Variants in CHLSN observed in about 807,000 individuals in gnomAD.
CHLSN encodes the protein cholesin.
chr7:1,020,535 G>A, the CHLSN span, among the ~76,000 whole-genome samples: 2 of 152,218 alleles, frequency 1.3e-5, no homozygotes, highest in African/African-American at 2.4e-5. Context: ...ACACACAAGG[G>A]GGCTGTAGCG....
chr7:1,133,227 G>A, the CHLSN span, among the ~76,000 whole-genome samples: 1 of 152,040 alleles, frequency 6.6e-6, no homozygotes, highest in South Asian at 2.1e-4. Flanking sequence ...AAAAGCTCAG[G>A]ATACGCAAAT....
At chr7:1,073,841 C>A in the CHLSN span, among the ~76,000 whole-genome samples, 1 of 73,694 alleles carries the variant, frequency 1.4e-5, no homozygotes, top group Admixed American at 1.3e-4. Context: ...CCGTGATGTT[C>A]CCCCAACCCT....
the CHLSN span, among the ~76,000 whole-genome samples, chr7:1,036,129 G>C: frequency 6.6e-6 from 1 of 152,218 alleles, no homozygotes; most frequent in Admixed American, 6.5e-5. Flanking sequence ...TGAATGGGTG[G>C]TGCACAGGGC....
chr7:1,057,059 G>A, the CHLSN span, among the ~76,000 whole-genome samples: 2 of 152,158 alleles, frequency 1.3e-5, no homozygotes, highest in Non-Finnish European at 2.9e-5. Flanking sequence ...CGGGAGGGAG[G>A]GAGGGAGGCT....
At chr7:1,064,464 G>C in the CHLSN span, among the ~76,000 whole-genome samples, 2 of 152,138 alleles carry the variant, frequency 1.3e-5, no homozygotes, top group Non-Finnish European at 2.9e-5. Context: ...ACAGCGGTGG[G>C]GAGCAGGGGC....
At chr7:1,046,152 G>A in the CHLSN span, among the ~76,000 whole-genome samples, 2,806 of 152,298 alleles carry the variant, frequency 0.018, 104 homozygotes, top group African/African-American at 0.064. Flanking sequence ...ATTTACAGTC[G>A]GAAGAGGGAC....
chr7:1,009,462 G>A, the CHLSN span, among the ~76,000 whole-genome samples: 3 of 151,922 alleles, frequency 2.0e-5, no homozygotes, highest in East Asian at 5.8e-4. Flanking sequence ...CAGCCACGCC[G>A]CAGGCACCAT....
the CHLSN span, among the ~76,000 whole-genome samples, chr7:1,070,953 A>AC: frequency 6.7e-6 from 1 of 148,204 alleles, no homozygotes; most frequent in Non-Finnish European, 1.5e-5. Context: ...ACACACACAC[A>AC]GCACAGACAC....
chr7:1,080,634 A>C, the CHLSN span, among the ~76,000 whole-genome samples: 1 of 152,246 alleles, frequency 6.6e-6, no homozygotes, highest in Non-Finnish European at 1.5e-5. Context: ...CTGTGGTGAA[A>C]GCCAAAAGGA....
At chr7:985,317 C>T in the CHLSN span, 5 of 1,550,146 alleles carry the variant, frequency 3.2e-6, no homozygotes, top group Non-Finnish European at 4.4e-6. Context: ...GGTCCCCTGG[C>T]CTGCAGGTGA....
At chr7:1,072,188 C>G in the CHLSN span, among the ~76,000 whole-genome samples, 1 of 152,206 alleles carries the variant, frequency 6.6e-6, no homozygotes, top group Admixed American at 6.5e-5. Context: ...GTCCTGGAGC[C>G]GTAAGCATCC....
chr7:1,116,219 T>C, the CHLSN span, among the ~76,000 whole-genome samples: 247 of 128,510 alleles, frequency 1.9e-3, 2 homozygotes, highest in South Asian at 3.0e-3. Context: ...CTGGCTTCCA[T>C]CACCAACGCC....
chr7:1,063,224 C>T, the CHLSN span, among the ~76,000 whole-genome samples: 4 of 152,342 alleles, frequency 2.6e-5, no homozygotes, highest in East Asian at 5.8e-4. Flanking sequence ...CCACGCGACG[C>T]TGTCCCCAAA....
chr7:1,074,499 G>C, the CHLSN span: 3 of 152,174 alleles, frequency 2.0e-5, no homozygotes, highest in African/African-American at 7.3e-5. Context: ...ACCAGACGGC[G>C]TAGACGGCAG....
chr7:1,066,433 G>T, the CHLSN span, among the ~76,000 whole-genome samples: 1 of 152,240 alleles, frequency 6.6e-6, no homozygotes, highest in East Asian at 1.9e-4. Context: ...GGAGGATACT[G>T]CCTGTTTCCC....
chr7:1,014,253 G>C, the CHLSN span, among the ~76,000 whole-genome samples: 4 of 152,260 alleles, frequency 2.6e-5, no homozygotes, highest in Non-Finnish European at 5.9e-5. Context: ...AGAGCCGTGA[G>C]ATTCTTACAG....
chr7:1,066,573 G>C, the CHLSN span, among the ~76,000 whole-genome samples: 4 of 152,262 alleles, frequency 2.6e-5, no homozygotes, highest in South Asian at 2.1e-4. Flanking sequence ...GAGAGAAGGG[G>C]GGACGAGGGG....
the CHLSN span, chr7:1,087,120 T>G: frequency 6.6e-6 from 1 of 152,230 alleles, no homozygotes; most frequent in African/African-American, 2.4e-5. Context: ...CATGAGGCAG[T>G]TCAGCGGCCC....
the CHLSN span, among the ~76,000 whole-genome samples, chr7:1,019,799 T>TG: frequency 6.6e-6 from 1 of 152,082 alleles, no homozygotes; most frequent in Non-Finnish European, 1.5e-5. Context: ...TGATGGAGTG[T>TG]GGGGGGCTGG....
Sources: allele counts gnomAD v4.1 joint callset (sites outside exome capture counted in the v4.1 genomes callset), GRCh38; gene constraint gnomAD v4.1.1; transcripts MANE v1.5; gene names NCBI Gene and HGNC (gene_info 2026-07-23, HGNC 2026-07-21).